The following TMEM267 variants were observed in gnomAD, a reference collection of about 807,000 sequenced individuals.
TMEM267 encodes the protein transmembrane protein C5orf28.
In TMEM267, 20 loss-of-function variants were observed where a neutral mutation model predicts 19.3. That is an observed-to-expected ratio of 1.04 (90% CI 0.73 to 1.51). TMEM267 has a LOEUF of 1.51. Ranked by LOEUF, TMEM267 falls within the 40% of genes most tolerant of loss-of-function variation. The pLI is 0.00. For synonymous variants in TMEM267, 88 were observed against 90.3 expected, an observed-to-expected ratio of 0.97 and a Z score of 0.15; for missense variants, 242 against 261.9, an observed-to-expected ratio of 0.92 and a Z score of 0.52.
intron 1 of TMEM267, among the ~76,000 whole-genome samples, chr5:43,464,155 C>A (rs971577019): frequency 6.6e-6 from 1 of 151,968 alleles, no homozygotes; most frequent in Non-Finnish European, 1.5e-5. Flanking sequence ...TTCTTATACA[C>A]CAATAACAGA....
intron 2 of TMEM267, among the ~76,000 whole-genome samples, chr5:43,448,649 G>A (rs1168523803): frequency 6.6e-6 from 1 of 152,004 alleles, no homozygotes; most frequent in Non-Finnish European, 1.5e-5. Flanking sequence ...GGTGGTGCAT[G>A]CCTGTAATCC....
intron 1 of TMEM267, among the ~76,000 whole-genome samples, chr5:43,480,629 C>T (rs1007445652): frequency 7.3e-5 from 11 of 151,374 alleles, no homozygotes; most frequent in Admixed American, 1.3e-4. Flanking sequence ...GACCCAATTA[C>T]AAATTTATTT....
At chr5:43,469,107 C>T (rs1182368401) in intron 1 of TMEM267, among the ~76,000 whole-genome samples, 4 of 151,910 alleles carry the variant, frequency 2.6e-5, no homozygotes, top group South Asian at 2.1e-4. Context: ...TAAATGCCTA[C>T]ATCAAAAAAG....
Position 43,464,340 on chromosome 5 carries a change from T to C in TMEM267, c.-74-10297A>G, listed in dbSNP as rs773205709. 4.3e-3 allele frequency among the ~76,000 whole-genome samples: 657 copies of C among 152,218 alleles called. 2 individuals are homozygous for C. The highest frequency in any genetic ancestry group is 7.5e-3 in the Non-Finnish European group (507 of 68,034). On this transcript the variant is annotated intron_variant, in intron 1 of 2. Transcript: ENST00000397080. ...CAAACGGAAGAACATTCCATGCTCATGGGTAGGAAGAATCAATATCGTGAA... is the reference window on the plus strand; with the variant it reads ...CAAACGGAAGAACATTCCATGCTCACGGGTAGGAAGAATCAATATCGTGAA...
chr5:43,480,454 C>T (rs945596643), intron 1 of TMEM267, among the ~76,000 whole-genome samples: 8 of 152,004 alleles, frequency 5.3e-5, no homozygotes, highest in African/African-American at 9.7e-5. Flanking sequence ...GCTGGGACTA[C>T]AGGCAAGTGC....
At chr5:43,468,254 C>A (rs748505914) in intron 1 of TMEM267, among the ~76,000 whole-genome samples, 1 of 152,100 alleles carries the variant, frequency 6.6e-6, no homozygotes, top group Non-Finnish European at 1.5e-5. Flanking sequence ...AGGTGAAAGA[C>A]GCGGGGCTTT....
At chr5:43,452,007 G>A (rs981042703) in intron 2 of TMEM267, among the ~76,000 whole-genome samples, 11 of 145,042 alleles carry the variant, frequency 7.6e-5, no homozygotes, top group Non-Finnish European at 1.3e-4. Context: ...GAGCCCAAGA[G>A]GTTGATGCTG....
chr5:43,475,942 C>G (rs369804882), intron 1 of TMEM267, among the ~76,000 whole-genome samples: 1 of 152,198 alleles, frequency 6.6e-6, no homozygotes, highest in Non-Finnish European at 1.5e-5. Context: ...TCAGCTAACT[C>G]GGACTTAAAA....
chr5:43,465,793 G>A (rs1332280386), intron 1 of TMEM267, among the ~76,000 whole-genome samples: 2 of 152,060 alleles, frequency 1.3e-5, no homozygotes, highest in African/African-American at 4.8e-5. Flanking sequence ...ATCACACACT[G>A]GGTCCTGTTG....
chr5:43,472,194 T>C (rs1744121118), intron 1 of TMEM267, among the ~76,000 whole-genome samples: 4 of 152,206 alleles, frequency 2.6e-5, no homozygotes. Flanking sequence ...GTAAAGGTGC[T>C]CAGTATTTTT....
chr5:43,453,831 A>G lies in TMEM267; in HGVS notation c.139T>C (p.Trp47Arg). 1.2e-6 allele frequency: 2 copies of G among 1,614,118 alleles called. No individual in the cohort carries two copies. Among genetic ancestry groups the G allele is most frequent in the Non-Finnish European group, 1.7e-6 (2 of 1,180,000 alleles). Residue 47 changes from tryptophan to arginine, a missense_variant, in exon 2 of 3, where the codon TGG becomes CGG. Coordinates refer to ENST00000397080, the MANE Select transcript of TMEM267 (RefSeq NM_022483.5). ...GCATTATCTGAGAGAGCACGAAGCCAGTCATTTTGCTGAATTGTGGAAAAC... is the reference window on the plus strand; with the variant it reads ...GCATTATCTGAGAGAGCACGAAGCCGGTCATTTTGCTGAATTGTGGAAAAC... ...LQFSTIQQNDWLRALSDNAVH... is the reference protein window; with the variant it reads ...LQFSTIQQNDRLRALSDNAVH...
intron 1 of TMEM267, among the ~76,000 whole-genome samples, chr5:43,472,538 C>T (rs185627388): frequency 7.0e-4 from 107 of 152,186 alleles, no homozygotes; most frequent in Admixed American, 2.3e-3. Context: ...GTGGAAGCAA[C>T]CTAAGGGTCT....
intron 1 of TMEM267, among the ~76,000 whole-genome samples, chr5:43,480,823 G>C (rs1233595073): frequency 1.6e-5 from 1 of 61,336 alleles, no homozygotes; most frequent in Non-Finnish European, 2.7e-5. Flanking sequence ...TTTTTTTTGA[G>C]ACGGAGTCTT....
intron 1 of TMEM267, among the ~76,000 whole-genome samples, chr5:43,466,085 T>C (rs1743652393): frequency 6.6e-6 from 1 of 151,886 alleles, no homozygotes; most frequent in Admixed American, 6.6e-5. Context: ...GGGTAGAAAG[T>C]TTATTGAATG....
intron 1 of TMEM267, among the ~76,000 whole-genome samples, chr5:43,473,124 C>A (rs556700173): frequency 1.5e-3 from 174 of 114,024 alleles, no homozygotes; most frequent in African/African-American, 6.1e-3. Context: ...GACTACAGAG[C>A]GAGACTCCGT....
At chr5:43,481,458 TA>T (rs1744758955) in intron 1 of TMEM267, among the ~76,000 whole-genome samples, 1 of 152,076 alleles carries the variant, frequency 6.6e-6, no homozygotes, top group Non-Finnish European at 1.5e-5. Flanking sequence ...AGTTTGCTAA[TA>T]AAGTGTCGTG....
intron 1 of TMEM267, among the ~76,000 whole-genome samples, chr5:43,472,949 T>A (rs1396433655): frequency 6.6e-6 from 1 of 151,636 alleles, no homozygotes. Flanking sequence ...ACCAGCCTGA[T>A]CACCACAGTG....
At chr5:43,458,072 C>T (rs1380872938) in intron 1 of TMEM267, among the ~76,000 whole-genome samples, 1 of 151,622 alleles carries the variant, frequency 6.6e-6, no homozygotes, top group East Asian at 1.9e-4. Flanking sequence ...TATATGTTTC[C>T]ATTTCTATTT....
At chr5:43,467,642 T>C (rs1743822518) in intron 1 of TMEM267, among the ~76,000 whole-genome samples, 1 of 152,124 alleles carries the variant, frequency 6.6e-6, no homozygotes, top group African/African-American at 2.4e-5. Flanking sequence ...GTTGGATACT[T>C]TGACACCCCA....
Sources: allele counts gnomAD v4.1 joint callset (sites outside exome capture counted in the v4.1 genomes callset), GRCh38; gene constraint gnomAD v4.1.1; transcripts MANE v1.5; gene names NCBI Gene and HGNC (gene_info 2026-07-23, HGNC 2026-07-21).